SCN2A: variants seen among roughly 807,000 people sequenced by gnomAD.
SCN2A encodes sodium voltage-gated channel alpha subunit 2, also known as sodium channel protein type 2 subunit alpha.
A neutral mutation model predicts 188.7 loss-of-function variants in SCN2A; 20 were observed. That is an observed-to-expected ratio of 0.11 (90% CI 0.07 to 0.15). The LOEUF is 0.15. SCN2A is among the 10% of genes least tolerant of loss of function. SCN2A has a pLI of 1.00. For missense variants in SCN2A, 1,278 were observed against 2,445.0 expected (o/e 0.52, Z 10.07); for synonymous variants, 804 against 833.1 (o/e 0.97, Z 0.60).
chr2:165,339,824 A>G (rs1053212349), intron 14 of SCN2A, among the ~76,000 whole-genome samples: 115 of 152,326 alleles, frequency 7.5e-4, no homozygotes, highest in African/African-American at 2.3e-3. Context: ...CTATGCAAAT[A>G]CACAGTGCTT....
intron 1 of SCN2A, among the ~76,000 whole-genome samples, chr2:165,280,717 T>G (rs353113): frequency 0.96 from 146,191 of 152,148 alleles, 70,482 homozygotes; most frequent in East Asian, 1. Context: ...GGGCTTTGTT[T>G]GGAATTACAC....
intron 3 of SCN2A, among the ~76,000 whole-genome samples, chr2:165,305,957 C>T (rs1697103330): frequency 6.6e-6 from 1 of 151,902 alleles, no homozygotes; most frequent in Non-Finnish European, 1.5e-5. Context: ...AAGGTGGGAG[C>T]CATTAAGGAT....
Position 165,389,859 on chromosome 2 carries a change from T to A in SCN2A, c.*35T>A. 1 of 1,560,994 alleles carries A rather than the reference T, an allele frequency of 6.4e-7. No individual in the cohort carries two copies. The highest frequency in any genetic ancestry group is 1.2e-5 in the South Asian group (1 of 85,426). ...AAGAATTTTCCATTTTGTGATCAAT[T>A]GTTTACAGCCCGTGATGGTGATGTG... On this transcript the variant is annotated 3_prime_UTR_variant, in exon 27 of 27. Transcript: ENST00000375437. The surrounding 1 kb of genome is among the most constrained non-coding windows in gnomAD (Gnocchi z 4.2).
chr2:165,309,537 G>A, intron 6 of SCN2A, 94 bp downstream of exon 6: 5 of 1,434,874 alleles, frequency 3.5e-6, no homozygotes, highest in Non-Finnish European at 3.9e-6. Context: ...GTTGCATATT[G>A]CAAATAAATA....
intron 6 of SCN2A, among the ~76,000 whole-genome samples, chr2:165,310,094 G>T (rs1251019369): frequency 1.3e-5 from 2 of 152,016 alleles, no homozygotes; most frequent in Non-Finnish European, 1.5e-5. Context: ...ATACACATTT[G>T]GTTCATTTCC....
chr2:165,241,599 A>T lies in SCN2A; in HGVS notation c.-52+1959A>T, dbSNP rs553297873. On this transcript the variant is annotated intron_variant, in intron 1 of 26. Transcript: ENST00000375437. ...AATACCACGTACCAACCAAGTGTCCATGGTAGAGATAAAGAAATAATTAGT... is the reference window on the plus strand; with the variant it reads ...AATACCACGTACCAACCAAGTGTCCTTGGTAGAGATAAAGAAATAATTAGT... 4.6e-5 allele frequency among the ~76,000 whole-genome samples: 7 copies of T among 152,352 alleles called. No homozygotes were observed. In the South Asian group the frequency reaches 6.2e-4, roughly 14 times the overall value.
intron 14 of SCN2A, among the ~76,000 whole-genome samples, chr2:165,334,957 A>G (rs1199014685): frequency 6.6e-6 from 1 of 151,698 alleles, no homozygotes; most frequent in African/African-American, 2.4e-5. Flanking sequence ...TATATTTCTA[A>G]ACACTACTAA....
chr2:165,245,478 A>C (rs1366941230), intron 1 of SCN2A: 2 of 152,154 alleles, frequency 1.3e-5, no homozygotes, highest in Non-Finnish European at 2.9e-5. Context: ...TTCCTTTATA[A>C]ATTACCCATT....
chr2:165,258,906 G>A (rs1694449394), intron 1 of SCN2A, among the ~76,000 whole-genome samples: 2 of 152,144 alleles, frequency 1.3e-5, no homozygotes, highest in Admixed American at 1.3e-4. Flanking sequence ...ACACAAAGAG[G>A]GGAACAATAG....
At chr2:165,316,772 A>T (rs1697775262) in intron 11 of SCN2A, among the ~76,000 whole-genome samples, 1 of 152,188 alleles carries the variant, frequency 6.6e-6, no homozygotes, top group Non-Finnish European at 1.5e-5. Flanking sequence ...CTCATAATTA[A>T]TGCTAACAGT....
At chr2:165,244,211 C>T (rs1368840192) in intron 1 of SCN2A, among the ~76,000 whole-genome samples, 2 of 151,870 alleles carry the variant, frequency 1.3e-5, no homozygotes, top group African/African-American at 4.8e-5. Context: ...CACTGCACTC[C>T]AGCTTGGGCG....
intron 8 of SCN2A, 97 bp from the exon 9 acceptor site, chr2:165,313,523 C>A: frequency 1.4e-6 from 2 of 1,442,602 alleles, no homozygotes; most frequent in Non-Finnish European, 1.9e-6. Flanking sequence ...TTTTCTAGTG[C>A]CTGTATAAAA....
intron 1 of SCN2A, among the ~76,000 whole-genome samples, chr2:165,256,500 T>G (rs1320019526): frequency 6.6e-6 from 1 of 152,224 alleles, no homozygotes; most frequent in Non-Finnish European, 1.5e-5. Flanking sequence ...ACATTCTTAA[T>G]AATTATTTCC....
chr2:165,290,750 T>A (rs1243531131), intron 1 of SCN2A: 1 of 984,878 alleles, frequency 1.0e-6, no homozygotes. Flanking sequence ...GTGCGCTTGA[T>A]TGCAGTAGGA....
At chr2:165,300,567 T>C (rs575630406) in intron 3 of SCN2A, among the ~76,000 whole-genome samples, 83 of 152,150 alleles carry the variant, frequency 5.5e-4, no homozygotes, top group Non-Finnish European at 9.9e-4. Flanking sequence ...AAGAGTGAGA[T>C]ATGGGAATCT....
In SCN2A at chr2:165,355,998, CA is replaced by C. The variant is rs202024678; in HGVS notation, c.3399+1342del. ...TGGGCAACAGGATGAAACTCTGTCT[CA>C]AAAAAAAAAAAAAAGAACTAGCTAT... On this transcript the variant is annotated intron_variant, in intron 17 of 26. Transcript: ENST00000375437. Among the ~76,000 whole-genome samples, 1,035 of 116,488 alleles carry C rather than the reference CA, an allele frequency of 8.9e-3. 6 individuals carry two copies. The highest frequency in any genetic ancestry group is 0.025 in the African/African-American group (728 of 28,778). 76.4% of individuals were successfully genotyped at this position (116,488 alleles called of 152,430 possible).
chr2:165,263,939 C>A (rs898650548), intron 1 of SCN2A, among the ~76,000 whole-genome samples: 1 of 150,612 alleles, frequency 6.6e-6, no homozygotes, highest in Non-Finnish European at 1.5e-5. Flanking sequence ...ATTTGATTCT[C>A]AGCTTGGCCA....
intron 17 of SCN2A, among the ~76,000 whole-genome samples, chr2:165,356,651 G>A (rs913489963): frequency 1.3e-5 from 2 of 152,176 alleles, no homozygotes; most frequent in Admixed American, 6.5e-5. Context: ...CCATTGGCTA[G>A]TTTAATCTTT....
rs761161877 is a variant in SCN2A, at chr2:165,323,171, C to G, written c.1687C>G (p.Arg563Gly). ...SSPHQSLLSI[R>G]GSLFSPRRNS... ...TTATTCATAGTCCTTACTGAGCATCCGTGGCTCCCTTTTCTCTCCAAGACG... is the reference window on the plus strand; with the variant it reads ...TTATTCATAGTCCTTACTGAGCATCGGTGGCTCCCTTTTCTCTCCAAGACG... Residue 563 changes from arginine (R) to glycine (G), a missense_variant, in exon 12 of 27, where the codon CGT (arginine) becomes GGT (glycine). Around this residue, in one of 17 missense-constraint regions of SCN2A, gnomAD observed 315 missense variants for 386.6 expected, o/e 0.81. Coordinates refer to ENST00000375437, the MANE Select transcript of SCN2A (RefSeq NM_001040142.2). 6.2e-7 allele frequency: 1 copy of G among 1,613,980 alleles called. No homozygotes were observed. Among genetic ancestry groups the G allele is most frequent in the African/African-American group, 1.3e-5 (1 of 74,898 alleles).
Sources: allele counts gnomAD v4.1 joint callset (sites outside exome capture counted in the v4.1 genomes callset), GRCh38; gene constraint gnomAD v4.1.1; regional missense constraint gnomAD v4.1.1; non-coding constraint Gnocchi (gnomAD v3.1); transcripts MANE v1.5; gene names NCBI Gene and HGNC (gene_info 2026-07-23, HGNC 2026-07-21).